Variants in GRIK1 observed in about 807,000 individuals in gnomAD.
GRIK1 encodes the protein glutamate ionotropic receptor kainate type subunit 1, also known as glutamate receptor ionotropic, kainate 1.
GRIK1 carries 69 observed loss-of-function variants against 105.7 expected under a neutral mutation model. The observed-to-expected ratio is 0.65, with a 90% confidence interval of 0.54 to 0.80. The LOEUF is 0.80. Ranked by LOEUF, GRIK1 falls within the 30% of genes least tolerant of loss-of-function variation. The pLI is 0.00. For missense variants in GRIK1, 1,109 were observed against 1,167.3 expected, an observed-to-expected ratio of 0.95 and a Z score of 0.73; for synonymous variants, 438 against 431.3, an observed-to-expected ratio of 1.02 and a Z score of -0.19.
intron 4 of GRIK1, among the ~76,000 whole-genome samples, chr21:29,656,743 C>T (rs536581302): frequency 1.3e-5 from 2 of 152,220 alleles, no homozygotes; most frequent in South Asian, 2.1e-4. Flanking sequence ...AATGATTTTA[C>T]GTGAAAGGGA....
At chr21:29,802,461 T>C (rs2066737572) in intron 1 of GRIK1, among the ~76,000 whole-genome samples, 1 of 152,052 alleles carries the variant, frequency 6.6e-6, no homozygotes, top group East Asian at 1.9e-4. Flanking sequence ...TAGAATAACT[T>C]ATTTTCAAAA....
intron 1 of GRIK1, among the ~76,000 whole-genome samples, chr21:29,714,630 T>C (rs1666520049): frequency 6.6e-6 from 1 of 152,170 alleles, no homozygotes; most frequent in Non-Finnish European, 1.5e-5. Context: ...GCCGCCTGAA[T>C]GCACTGCGAT....
At chr21:29,758,473 G>C (rs2065409293) in intron 1 of GRIK1, among the ~76,000 whole-genome samples, 1 of 152,116 alleles carries the variant, frequency 6.6e-6, no homozygotes, top group South Asian at 2.1e-4. Context: ...AACAGCACGG[G>C]AAAGACCTGC....
At chr21:29,829,230 G>A (rs1038048148) in intron 1 of GRIK1, among the ~76,000 whole-genome samples, 13 of 152,108 alleles carry the variant, frequency 8.5e-5, no homozygotes, top group Non-Finnish European at 1.2e-4. Context: ...TAAGAAAAAG[G>A]CTTGCTCATA....
chr21:29,711,377 C>T (rs1365240346), intron 1 of GRIK1, among the ~76,000 whole-genome samples: 1 of 152,032 alleles, frequency 6.6e-6, no homozygotes, highest in Non-Finnish European at 1.5e-5. Flanking sequence ...ACCATATAGC[C>T]TACATGTGTA....
At chr21:29,804,738 A>C (rs542928548) in intron 1 of GRIK1, among the ~76,000 whole-genome samples, 2 of 152,202 alleles carry the variant, frequency 1.3e-5, no homozygotes, top group South Asian at 4.1e-4. Flanking sequence ...CCCTGCTATT[A>C]TTCTTGCATG....
chr21:29,677,350 GA>G (rs112832279), intron 3 of GRIK1, among the ~76,000 whole-genome samples: 8 of 152,130 alleles, frequency 5.3e-5, no homozygotes, highest in African/African-American at 1.9e-4. Flanking sequence ...AATGAAATTG[GA>G]AATGCAACTT....
At chr21:29,690,247 C>T (rs1300407588) in intron 2 of GRIK1, among the ~76,000 whole-genome samples, 1 of 152,212 alleles carries the variant, frequency 6.6e-6, no homozygotes, top group African/African-American at 2.4e-5. Context: ...CTGCTGGTCT[C>T]ACTTTATTAC....
chr21:29,793,723 G>A (rs185073824), intron 1 of GRIK1, among the ~76,000 whole-genome samples: 1 of 152,288 alleles, frequency 6.6e-6, no homozygotes, highest in East Asian at 1.9e-4. Context: ...CTGAATTATA[G>A]AATAAGTTTG....
At chr21:29,814,352 T>G (rs1345193793) in intron 1 of GRIK1, among the ~76,000 whole-genome samples, 1 of 152,056 alleles carries the variant, frequency 6.6e-6, no homozygotes, top group Non-Finnish European at 1.5e-5. Flanking sequence ...TCCTGTTTAC[T>G]CAATACATTT....
chr21:29,789,031 A>G (rs1459171947), intron 1 of GRIK1, among the ~76,000 whole-genome samples: 1 of 152,244 alleles, frequency 6.6e-6, no homozygotes, highest in Non-Finnish European at 1.5e-5. Context: ...ACCACTGAAA[A>G]TAATGGGTTT....
intron 1 of GRIK1, among the ~76,000 whole-genome samples, chr21:29,752,382 A>G (rs2065228334): frequency 6.6e-6 from 1 of 152,222 alleles, no homozygotes; most frequent in Non-Finnish European, 1.5e-5. Flanking sequence ...AAAAAATTGT[A>G]TTCTTTGATT....
rs190980305 is a variant in GRIK1, at chr21:29,783,593, A to T, written c.119-89530T>A. Among the ~76,000 whole-genome samples, 29 of 152,276 alleles carry T rather than the reference A, an allele frequency of 1.9e-4. 1 individual carries two copies. The highest frequency in any genetic ancestry group is 1.8e-3 in the Admixed American group (28 of 15,300). On this transcript the variant is annotated intron_variant, in intron 1 of 17. Transcript: ENST00000327783. Reference sequence around the variant, plus strand: ...TTTTAGCATTAAAATTTTTCAATCCATATCAAATGAACTCAGTGAGATCAG... The same window carrying T: ...TTTTAGCATTAAAATTTTTCAATCCTTATCAAATGAACTCAGTGAGATCAG...
chr21:29,764,239 G>T (rs1183948669), intron 1 of GRIK1, among the ~76,000 whole-genome samples: 1 of 152,138 alleles, frequency 6.6e-6, no homozygotes, highest in Non-Finnish European at 1.5e-5. Context: ...AGCATGGGAG[G>T]TGAAAACATT....
At chr21:29,541,414 T>C (rs1387271440) in intron 16 of GRIK1, among the ~76,000 whole-genome samples, 2 of 152,166 alleles carry the variant, frequency 1.3e-5, no homozygotes, top group Admixed American at 6.5e-5. Flanking sequence ...AGTGAGACAA[T>C]AGTAGAATCA....
At chr21:29,581,275 T>C in intron 13 of GRIK1, 150 bp downstream of exon 13, 1 of 620,860 alleles carries the variant, frequency 1.6e-6, no homozygotes, top group Non-Finnish European at 2.9e-6. Flanking sequence ...TGCTTCATCT[T>C]CAAAACCGGC....
chr21:29,809,595 G>A (rs1007438881), intron 1 of GRIK1, among the ~76,000 whole-genome samples: 1 of 152,158 alleles, frequency 6.6e-6, no homozygotes, highest in Non-Finnish European at 1.5e-5. Flanking sequence ...CAGCAATAAG[G>A]CTGTTTTGCT....
chr21:29,629,235 C>T (rs1411442425), intron 7 of GRIK1, among the ~76,000 whole-genome samples: 1 of 106,080 alleles, frequency 9.4e-6, no homozygotes, highest in Non-Finnish European at 1.9e-5. Context: ...TGTGTGTGTG[C>T]TATTTGCAAA....
chr21:29,641,526 A>G (rs1601348383), intron 7 of GRIK1, among the ~76,000 whole-genome samples: 1 of 152,282 alleles, frequency 6.6e-6, no homozygotes, highest in Middle Eastern at 3.4e-3. Flanking sequence ...AAATGGACCA[A>G]TAGACTTGCC....
Sources: gnomAD v4.1 joint callset for allele counts (sites outside exome capture counted in the v4.1 genomes callset) on GRCh38, gnomAD v4.1.1 for gene constraint, MANE v1.5 for transcripts, NCBI Gene and HGNC (gene_info 2026-07-23, HGNC 2026-07-21) for gene names.